Variants in DHRSX observed in about 807,000 individuals in gnomAD.
DHRSX encodes dehydrogenase/reductase X-linked.
In DHRSX, 31 loss-of-function variants were observed where a neutral mutation model predicts 34.0. The ratio of observed to expected loss-of-function variants is 0.91; its 90% CI spans 0.69 to 1.23. The LOEUF (loss-of-function observed/expected upper bound fraction) is 1.23, where lower values mean the gene tolerates loss of function less well. Ranked by LOEUF, DHRSX falls within the 50% of genes most tolerant of loss-of-function variation. The pLI, the probability that DHRSX is intolerant of heterozygous loss-of-function variation, is 0.00. For missense variants in DHRSX, 414 were observed against 428.1 expected, an observed-to-expected ratio of 0.97 and a Z score of 0.29; for synonymous variants, 201 against 183.8, an observed-to-expected ratio of 1.09 and a Z score of -0.76.
At chrX:2,464,636 T>C (rs1057061144) in intron 1 of DHRSX, among the ~76,000 whole-genome samples, 14 of 151,560 alleles carry the variant, frequency 9.2e-5, no homozygotes, top group African/African-American at 3.4e-4. Context: ...TCCCTAAGTA[T>C]GTGGCTAAGG....
intron 3 of DHRSX, among the ~76,000 whole-genome samples, chrX:2,363,702 T>C (rs779864075): frequency 4.6e-5 from 7 of 151,568 alleles, no homozygotes; most frequent in Admixed American, 1.3e-4. Flanking sequence ...TATGGTATCA[T>C]GCCTCCATTT....
chrX:2,228,449 GA>G (rs1361087328), intron 6 of DHRSX, among the ~76,000 whole-genome samples: 2 of 16,138 alleles, frequency 1.2e-4, no homozygotes, highest in African/African-American at 3.6e-3. Flanking sequence ...GGGAGGGAGG[GA>G]AGGGAGGGAG....
At chrX:2,398,233 AAC>A (rs2043439085) in intron 3 of DHRSX, among the ~76,000 whole-genome samples, 1 of 152,132 alleles carries the variant, frequency 6.6e-6, no homozygotes, top group South Asian at 2.1e-4. Context: ...TCATCTCAGA[AAC>A]AGCCTTGCTT....
chrX:2,474,858 T>C (rs181977109), intron 1 of DHRSX, among the ~76,000 whole-genome samples: 1 of 150,578 alleles, frequency 6.6e-6, no homozygotes, highest in African/African-American at 2.4e-5. Flanking sequence ...ACCGCCGCCA[T>C]GTACACACTT....
chrX:2,479,041 C>A (rs1271644937), intron 1 of DHRSX, among the ~76,000 whole-genome samples: 1 of 150,088 alleles, frequency 6.7e-6, no homozygotes, highest in Non-Finnish European at 1.5e-5. Flanking sequence ...AAGCATGTAG[C>A]CCAAGGGACC....
chrX:2,271,143 A>G (rs762760123), intron 4 of DHRSX, among the ~76,000 whole-genome samples: 1 of 152,296 alleles, frequency 6.6e-6, no homozygotes, highest in South Asian at 2.1e-4. Flanking sequence ...TGTAAGACTC[A>G]CTGCCAAGGT....
chrX:2,479,831 A>C (rs1445854597), intron 1 of DHRSX, among the ~76,000 whole-genome samples: 2 of 152,128 alleles, frequency 1.3e-5, no homozygotes, highest in Admixed American at 6.5e-5. Flanking sequence ...GTACACACTG[A>C]AGACATTCCC....
At chrX:2,311,859 A>G (rs2042169378) in intron 3 of DHRSX, among the ~76,000 whole-genome samples, 1 of 152,158 alleles carries the variant, frequency 6.6e-6, no homozygotes, top group Non-Finnish European at 1.5e-5. Context: ...TGAGTTGTTT[A>G]TACATCAAAA....
chrX:2,244,072 C>T (rs925997674), intron 5 of DHRSX, among the ~76,000 whole-genome samples: 3 of 151,994 alleles, frequency 2.0e-5, no homozygotes, highest in African/African-American at 7.2e-5. Flanking sequence ...CGCCTGGCCA[C>T]ATGTGGTCTT....
intron 6 of DHRSX, among the ~76,000 whole-genome samples, chrX:2,235,472 C>T (rs1376711431): frequency 3.3e-5 from 5 of 151,566 alleles, no homozygotes; most frequent in Admixed American, 3.3e-4. Flanking sequence ...GGGCTGGGTA[C>T]GGTGGCTCAC....
intron 5 of DHRSX, chrX:2,261,895 G>C (rs753181130): frequency 6.6e-6 from 1 of 152,218 alleles, no homozygotes; most frequent in African/African-American, 2.4e-5. Context: ...GTGTTCCTGT[G>C]TGTCTTTGGC....
intron 3 of DHRSX, among the ~76,000 whole-genome samples, chrX:2,307,866 G>T (rs1419972168): frequency 6.6e-6 from 1 of 151,916 alleles, no homozygotes; most frequent in African/African-American, 2.4e-5. Context: ...ACACCAGGGT[G>T]ATCTGCGCAT....
At position 2,361,203 on chromosome X, in the gene DHRSX, C is replaced by T. The variant is rs191401150; in HGVS notation, c.286+47542G>A. ...TCGGCTCACTGCAACCTCCACCTCC[C>T]GGGTTCAAGCGATTCTCCTGCCTCA... is the stretch of plus-strand genomic sequence containing the variant. On this transcript the variant is annotated intron_variant, in intron 3 of 6. Coordinates refer to ENST00000334651, the MANE Select transcript of DHRSX (RefSeq NM_145177.3). Among the ~76,000 whole-genome samples, 346 of 152,132 alleles carry T rather than the reference C, an allele frequency of 2.3e-3. 1 individual carries two copies. The highest frequency in any genetic ancestry group is 8.0e-3 in the African/African-American group (334 of 41,502).
chrX:2,452,538 G>A (rs191083228), intron 1 of DHRSX, among the ~76,000 whole-genome samples: 126 of 151,350 alleles, frequency 8.3e-4, no homozygotes, highest in African/African-American at 2.9e-3. Flanking sequence ...AGACGTTCCC[G>A]AAGAATGTGG....
At chrX:2,299,046 TTGTC>T (rs1481652463) in intron 3 of DHRSX, among the ~76,000 whole-genome samples, 2 of 150,712 alleles carry the variant, frequency 1.3e-5, no homozygotes, top group African/African-American at 2.4e-5. Context: ...CCTTAACTCA[TTGTC>T]TGCGACAAAT....
chrX:2,379,704 G>C (rs146524235), intron 3 of DHRSX, among the ~76,000 whole-genome samples: 6,845 of 150,424 alleles, frequency 0.046, 228 homozygotes, highest in South Asian at 0.098. Context: ...CTGTCAGTGT[G>C]GGGGGCATCC....
intron 3 of DHRSX, among the ~76,000 whole-genome samples, chrX:2,344,098 G>T (rs1324356271): frequency 6.6e-6 from 1 of 152,172 alleles, no homozygotes; most frequent in African/African-American, 2.4e-5. Context: ...ACATGGGCCT[G>T]GTTTTCTATC....
chrX:2,315,129 G>C (rs1307895447), intron 3 of DHRSX, among the ~76,000 whole-genome samples: 1 of 151,396 alleles, frequency 6.6e-6, no homozygotes, highest in African/African-American at 2.4e-5. Context: ...TAGCACTCCA[G>C]CCTGGGCAGC....
At chrX:2,304,061 A>ATGGATGGG (rs2042059828) in intron 3 of DHRSX, among the ~76,000 whole-genome samples, 1 of 89,124 alleles carries the variant, frequency 1.1e-5, no homozygotes, top group Non-Finnish European at 2.6e-5. Context: ...GGATGGATGG[A>ATGGATGGG]TGGGTGGATG....
Sources: gnomAD v4.1 joint callset for allele counts (sites outside exome capture counted in the v4.1 genomes callset) on GRCh38, gnomAD v4.1.1 for gene constraint, MANE v1.5 for transcripts, NCBI Gene and HGNC (gene_info 2026-07-23, HGNC 2026-07-21) for gene names.